The following CEP63 variants were observed in gnomAD, a reference collection of about 807,000 sequenced individuals.
CEP63 encodes the protein centrosomal protein 63, also known as centrosomal protein of 63 kDa.
A neutral mutation model predicts 89.1 loss-of-function variants in CEP63; 84 were observed. The observed-to-expected ratio is 0.94, with a 90% CI of 0.79 to 1.13. The LOEUF (loss-of-function observed/expected upper bound fraction) is 1.13, where lower values mean the gene tolerates loss of function less well. CEP63 is among the 50% of genes most tolerant of loss of function. The pLI is 0.00. For synonymous variants in CEP63, 267 were observed against 272.5 expected (o/e 0.98, Z 0.20); for missense variants, 838 against 813.3 (o/e 1.03, Z -0.37).
At chr3:134,627,900 C>T in the CEP63 span, 1 of 1,132,570 alleles carries the variant, frequency 8.8e-7, no homozygotes, top group South Asian at 1.3e-5. Context: ...TTCTGGTGGT[C>T]CTTGCTTTTG....
chr3:134,710,726 CT>C, the CEP63 span, among the ~76,000 whole-genome samples: 65,767 of 131,752 alleles, frequency 0.5, 16,530 homozygotes, highest in East Asian at 0.74. Context: ...CTTTTTCTTT[CT>C]TTTTTTTTTT....
At chr3:134,535,087 A>T (rs1442947228) in intron 5 of CEP63, among the ~76,000 whole-genome samples, 4 of 151,852 alleles carry the variant, frequency 2.6e-5, no homozygotes, top group Non-Finnish European at 5.9e-5. Flanking sequence ...CCAGCATCCA[A>T]ATTTCCCTCC....
intron 2 of CEP63, among the ~76,000 whole-genome samples, chr3:134,498,069 G>A (rs1940746206): frequency 6.6e-6 from 1 of 152,086 alleles, no homozygotes; most frequent in Non-Finnish European, 1.5e-5. Context: ...ATGGTTCGGT[G>A]TGAATTTTAG....
intron 12 of CEP63, among the ~76,000 whole-genome samples, chr3:134,557,883 C>T (rs1226346108): frequency 1.3e-5 from 2 of 152,112 alleles, no homozygotes; most frequent in East Asian, 3.9e-4. Context: ...AGCTTTCCTC[C>T]ATCCTGATTC....
intron 2 of CEP63, among the ~76,000 whole-genome samples, chr3:134,500,795 T>C (rs1941753850): frequency 1.3e-5 from 2 of 152,204 alleles, no homozygotes; most frequent in Admixed American, 6.5e-5. Flanking sequence ...GTCAGTTCGC[T>C]CTGTCGGTAG....
chr3:134,530,253 C>G (rs1949599138), intron 3 of CEP63, among the ~76,000 whole-genome samples: 1 of 152,206 alleles, frequency 6.6e-6, no homozygotes, highest in African/African-American at 2.4e-5. Flanking sequence ...TATTTCAGCA[C>G]TTTATGGGTC....
chr3:134,689,194 CTT>C, the CEP63 span, among the ~76,000 whole-genome samples: 1 of 151,970 alleles, frequency 6.6e-6, no homozygotes, highest in Admixed American at 6.6e-5. Context: ...AGTGCTTTCT[CTT>C]CGGCTTATGA....
At chr3:134,507,514 A>G (rs1026324840) in intron 3 of CEP63, among the ~76,000 whole-genome samples, 1 of 152,178 alleles carries the variant, frequency 6.6e-6, no homozygotes, top group African/African-American at 2.4e-5. Flanking sequence ...TAATATATAC[A>G]TAACTTCTTT....
the CEP63 span, among the ~76,000 whole-genome samples, chr3:134,632,302 C>A: frequency 1.6e-3 from 242 of 152,040 alleles, no homozygotes; most frequent in African/African-American, 5.3e-3. Context: ...CTAATAACAG[C>A]ACAACGCACA....
At chr3:134,517,501 A>G (rs1576979141) in intron 3 of CEP63, among the ~76,000 whole-genome samples, 1 of 152,234 alleles carries the variant, frequency 6.6e-6, no homozygotes, top group Non-Finnish European at 1.5e-5. Context: ...AATATTATAC[A>G]ACAGAATTTC....
chr3:134,730,448 T>C, the CEP63 span, among the ~76,000 whole-genome samples: 2 of 152,198 alleles, frequency 1.3e-5, no homozygotes, highest in Non-Finnish European at 2.9e-5. Context: ...TTCATCTATA[T>C]ATTAAACTAT....
chr3:134,499,628 A>G (rs572197991), intron 2 of CEP63, among the ~76,000 whole-genome samples: 6 of 151,274 alleles, frequency 4.0e-5, no homozygotes, highest in African/African-American at 1.2e-4. Flanking sequence ...TACTGTTTTT[A>G]TTTTTTAGAT....
chr3:134,546,282 C>T lies in CEP63; in HGVS notation c.923C>T (p.Ala308Val). ...KATNTQHAVE[A>V]IRPREESLAE... The stretch of plus-strand genomic sequence containing the variant: ...ACTAACACTCAACATGCTGTAGAAG[C>T]TATAAGGTAAATTTAATCTTAAATA... The change falls in exon 8 of 15, where the codon GCT (alanine) becomes GTT (valine). Residue 308 changes from alanine to valine, a missense_variant. Coordinates refer to ENST00000675561, the MANE Select transcript of CEP63 (RefSeq NM_001353108.3). 6.2e-7 allele frequency: 1 copy of T among 1,613,028 alleles called. No individual in the cohort carries two copies. The highest frequency in any genetic ancestry group is 2.2e-5 in the East Asian group (1 of 44,790).
At chr3:134,645,196 C>T in the CEP63 span, among the ~76,000 whole-genome samples, 1 of 152,214 alleles carries the variant, frequency 6.6e-6, no homozygotes, top group Admixed American at 6.5e-5. Context: ...CAGGGGAAGC[C>T]CGTTGCTGGG....
intron 3 of CEP63, 139 bp downstream of exon 3, chr3:134,507,425 T>C (rs757955232): frequency 2.2e-5 from 14 of 647,904 alleles, no homozygotes; most frequent in Non-Finnish European, 3.2e-5. Context: ...TGCTGTTTTA[T>C]TTTAGAAGAA....
At position 134,563,284 on chromosome 3, in the gene CEP63, T is replaced by A. The variant is rs568110453; in HGVS notation, c.*1749T>A. 66 of 152,312 alleles carry A rather than the reference T, an allele frequency of 4.3e-4. No homozygotes were observed. The South Asian group carries it at 0.011, about 25-fold the overall frequency. 9.4% of individuals were successfully genotyped at this position (152,312 alleles called of 1,614,324 possible). On this transcript the variant is annotated 3_prime_UTR_variant, in exon 15 of 15. Coordinates refer to ENST00000675561, the MANE Select transcript of CEP63 (RefSeq NM_001353108.3). ...CTTCTACCACCTGATCCAGACTACT[T>A]CTCTCTCACCCTGATTCTGGCAGTA...
intron 2 of CEP63, among the ~76,000 whole-genome samples, chr3:134,502,680 T>G (rs1166889621): frequency 6.6e-6 from 1 of 152,176 alleles, no homozygotes; most frequent in Non-Finnish European, 1.5e-5. Context: ...CCTTTGTCAT[T>G]TCTGATTGTA....
downstream of CEP63, among the ~76,000 whole-genome samples, chr3:134,568,532 G>A (rs1228491258): frequency 1.3e-5 from 2 of 152,100 alleles, no homozygotes; most frequent in Non-Finnish European, 2.9e-5. Flanking sequence ...AGGCCCCTCA[G>A]CCCAGCATGG....
intron 11 of CEP63, among the ~76,000 whole-genome samples, chr3:134,573,876 C>G (rs925456879): frequency 3.9e-5 from 6 of 152,204 alleles, no homozygotes; most frequent in African/African-American, 1.2e-4. Context: ...TCAGAGCATT[C>G]TGCCTGTGTT....
Sources: allele counts gnomAD v4.1 joint callset (sites outside exome capture counted in the v4.1 genomes callset), GRCh38; gene constraint gnomAD v4.1.1; transcripts MANE v1.5; gene names NCBI Gene and HGNC (gene_info 2026-07-23, HGNC 2026-07-21).